C10orf105: variants seen among roughly 807,000 people sequenced by gnomAD.
C10orf105 encodes the protein chromosome 10 open reading frame 105, also known as uncharacterized protein C10orf105.
In C10orf105, 2 loss-of-function variants were observed where a neutral mutation model predicts 0.6. The ratio of observed to expected loss-of-function variants is 3.18; its 90% confidence interval spans 1.30 to 10.01. The LOEUF is 10.01. Ranked by LOEUF, C10orf105 falls within the 30% of genes most tolerant of loss-of-function variation. The pLI is 0.04. For synonymous variants in C10orf105, 95 were observed against 82.4 expected (o/e 1.15, Z -0.83); for missense variants, 209 against 191.4 (o/e 1.09, Z -0.54).
chr10:71,722,328 C>G (rs1426336039), upstream of C10orf105, among the ~76,000 whole-genome samples: 1 of 152,152 alleles, frequency 6.6e-6, no homozygotes, highest in Non-Finnish European at 1.5e-5. Flanking sequence ...TGTAGCAATA[C>G]TGGGATACCC....
rs1327343786 is a variant in C10orf105, at chr10:71,712,323, G to A, written c.*3613C>T. 8.4e-6 allele frequency: 2 copies of A among 237,960 alleles called. No individual in the cohort carries two copies. Among genetic ancestry groups the A allele is most frequent in the Non-Finnish European group, 1.7e-5 (2 of 121,110 alleles). The allele number at this position is 237,960 out of a possible 1,614,324, so 14.7% of individuals were successfully genotyped here. A position where few individuals can be genotyped will look rare whatever the true frequency, so the allele number is the denominator to read the frequency against. ...AATTAATCTTCACAGGTTCCCAGGG[G>A]TTTAACATGGGTCTGTTTTTTTTGG... On this transcript the variant is annotated 3_prime_UTR_variant, in exon 2 of 2. Transcript: ENST00000441508.
chr10:71,727,442 G>A (rs1465526077), intron 1 of C10orf105, among the ~76,000 whole-genome samples: 1 of 152,240 alleles, frequency 6.6e-6, no homozygotes, highest in African/African-American at 2.4e-5. Flanking sequence ...CCACACCCAT[G>A]AGACCCGGGA....
chr10:71,732,949 C>T (rs541870211), intron 1 of C10orf105, among the ~76,000 whole-genome samples: 3 of 152,190 alleles, frequency 2.0e-5, no homozygotes, highest in Admixed American at 6.5e-5. Context: ...CCACACACCA[C>T]GCAATTCTCC....
intron 1 of C10orf105, chr10:71,717,845 A>G (rs559883162): frequency 1.3e-5 from 2 of 152,302 alleles, no homozygotes; most frequent in South Asian, 4.1e-4. Flanking sequence ...TGAAGGCAAG[A>G]AAGAAGAGAG....
upstream of C10orf105, among the ~76,000 whole-genome samples, chr10:71,722,080 C>G (rs1331116973): frequency 2.0e-5 from 3 of 152,134 alleles, no homozygotes; most frequent in East Asian, 5.8e-4. Context: ...CAGTTTTGTC[C>G]AGTGAGCAAC....
chr10:71,716,263 A>G lies in C10orf105; in HGVS notation c.75T>C (p.Thr25=). 1 of 1,542,828 alleles carries G rather than the reference A, an allele frequency of 6.5e-7. No homozygotes were observed. Among genetic ancestry groups the G allele is most frequent in the Non-Finnish European group, 8.8e-7 (1 of 1,141,704 alleles). ...CAGTTGCCTCTGCAAGGGTCCCGGG[A>G]GTGACGGGAGCTGAGAGAAAGGCGA... ...SPLAFLSAPV[T]PGTLAEATDP... The change falls in exon 2 of 2, where the codon ACT becomes ACC. Residue 25 remains threonine, a synonymous_variant. Transcript: ENST00000441508.
At chr10:71,727,448 C>T (rs1040831585) in intron 1 of C10orf105, among the ~76,000 whole-genome samples, 3 of 152,226 alleles carry the variant, frequency 2.0e-5, no homozygotes, top group Non-Finnish European at 2.9e-5. Context: ...CCATGAGACC[C>T]GGGAGAGCTG....
intron 1 of C10orf105, among the ~76,000 whole-genome samples, chr10:71,733,050 G>A (rs753547189): frequency 1.3e-5 from 2 of 151,320 alleles, no homozygotes; most frequent in Non-Finnish European, 2.9e-5. Flanking sequence ...CCTCTAGGTT[G>A]TTTGACCCAT....
intron 1 of C10orf105, among the ~76,000 whole-genome samples, chr10:71,718,508 G>T (rs1866397162): frequency 6.6e-6 from 1 of 152,378 alleles, no homozygotes; most frequent in African/African-American, 2.4e-5. Flanking sequence ...GGGCAGCTGT[G>T]CATGGGTTGG....
At chr10:71,729,293 G>A (rs1175840182) in intron 1 of C10orf105, among the ~76,000 whole-genome samples, 1 of 152,224 alleles carries the variant, frequency 6.6e-6, no homozygotes, top group Non-Finnish European at 1.5e-5. Context: ...CAAACCCTGA[G>A]ACAAGGATTG....
upstream of C10orf105, chr10:71,723,901 C>T (rs1438884440): frequency 3.4e-6 from 3 of 887,894 alleles, no homozygotes; most frequent in African/African-American, 5.0e-5. Context: ...CCCCTTGTCT[C>T]CCACACCCCC....
upstream of C10orf105, among the ~76,000 whole-genome samples, chr10:71,721,816 A>G (rs1292563551): frequency 6.6e-6 from 1 of 152,098 alleles, no homozygotes. Flanking sequence ...CACTCTTCCA[A>G]CCACAGCCCT....
upstream of C10orf105, among the ~76,000 whole-genome samples, chr10:71,720,082 C>G (rs1866481385): frequency 6.6e-6 from 1 of 152,224 alleles, no homozygotes; most frequent in South Asian, 2.1e-4. Flanking sequence ...TCGGCGGCAG[C>G]CAGAGGTTCG....
At chr10:71,727,253 T>G (rs1347698393) in intron 1 of C10orf105, among the ~76,000 whole-genome samples, 3 of 152,208 alleles carry the variant, frequency 2.0e-5, no homozygotes, top group African/African-American at 7.2e-5. Context: ...GAGCCAGGCT[T>G]CATGCCTTGG....
At chr10:71,721,284 G>T (rs1384045530), upstream of C10orf105, among the ~76,000 whole-genome samples, 1 of 152,200 alleles carries the variant, frequency 6.6e-6, no homozygotes, top group Non-Finnish European at 1.5e-5. Context: ...CTCAGGGAAT[G>T]GAGAGAGAAA....
At chr10:71,725,221 C>A (rs1866751041) in intron 1 of C10orf105, 1 of 1,450,952 alleles carries the variant, frequency 6.9e-7, no homozygotes, top group South Asian at 1.2e-5. Flanking sequence ...CCTCCAGCTT[C>A]CTCTCCACTG....
chr10:71,723,911 C>T (rs1866684919), upstream of C10orf105: 7 of 977,196 alleles, frequency 7.2e-6, no homozygotes, highest in Middle Eastern at 4.1e-4. Flanking sequence ...CCCACACCCC[C>T]AGCCTCTGAG....
At chr10:71,737,602 C>G (rs2132839583) in intron 1 of C10orf105, 1 of 447,446 alleles carries the variant, frequency 2.2e-6, no homozygotes, top group South Asian at 1.6e-5. Flanking sequence ...CTGAACCCCA[C>G]ATGCAGGGAA....
chr10:71,722,374 G>A (rs1316123739), upstream of C10orf105, among the ~76,000 whole-genome samples: 1 of 152,218 alleles, frequency 6.6e-6, no homozygotes, highest in African/African-American at 2.4e-5. Flanking sequence ...AGGGAGCGAG[G>A]CACAGATGGG....
Sources: gnomAD v4.1 joint callset for allele counts (sites outside exome capture counted in the v4.1 genomes callset) on GRCh38, gnomAD v4.1.1 for gene constraint, MANE v1.5 for transcripts, NCBI Gene and HGNC (gene_info 2026-07-23, HGNC 2026-07-21) for gene names.